DNAJC10: variants seen among roughly 807,000 people sequenced by gnomAD.
DNAJC10 encodes endoplasmic reticulum disulfide reductase DNAJC10.
Under a neutral mutation model 115.0 loss-of-function variants are expected in DNAJC10, and 101 were observed. The ratio of observed to expected loss-of-function variants is 0.88; its 90% CI spans 0.75 to 1.04. The LOEUF (loss-of-function observed/expected upper bound fraction) is 1.04. Among genes scored for constraint, DNAJC10 ranks in the 50% least tolerant of loss-of-function variants. DNAJC10 has a pLI of 0.00. For synonymous variants in DNAJC10, 307 were observed against 301.5 expected, an observed-to-expected ratio of 1.02 and a Z score of -0.19; for missense variants, 981 against 928.8, an observed-to-expected ratio of 1.06 and a Z score of -0.73.
chr2:182,757,404 T>G (rs1253773598), intron 18 of DNAJC10, among the ~76,000 whole-genome samples: 1 of 152,220 alleles, frequency 6.6e-6, no homozygotes, highest in Non-Finnish European at 1.5e-5. Flanking sequence ...CTTTCATTAG[T>G]TTCTAGCACT....
At chr2:182,722,833 G>A (rs574589975) in intron 5 of DNAJC10, among the ~76,000 whole-genome samples, 2 of 152,054 alleles carry the variant, frequency 1.3e-5, no homozygotes, top group African/African-American at 4.8e-5. Flanking sequence ...CCAGCTACTT[G>A]GGAGGCTGAC....
chr2:182,733,761 A>G (rs1319382119), intron 10 of DNAJC10, among the ~76,000 whole-genome samples: 6 of 143,310 alleles, frequency 4.2e-5, no homozygotes, highest in Non-Finnish European at 7.6e-5. Flanking sequence ...CCATATTTAT[A>G]GACTTTTCTC....
At chr2:182,744,724 C>CA (rs1693818979) in intron 14 of DNAJC10, among the ~76,000 whole-genome samples, 1 of 152,028 alleles carries the variant, frequency 6.6e-6, no homozygotes, top group Admixed American at 6.6e-5. Context: ...AATGGAGACT[C>CA]AGAAAGGTTA....
At chr2:182,728,776 T>C in intron 6 of DNAJC10, 87 bp from the exon 7 acceptor site, 1 of 1,519,040 alleles carries the variant, frequency 6.6e-7, no homozygotes, top group Non-Finnish European at 9.0e-7. Context: ...ACTTTAAATG[T>C]CTGGTTTAAA....
rs1191776112 is a variant in DNAJC10 at position 182,775,400 on chromosome 2, A to C, written c.2350A>C (p.Asn784His). ...LISEKLETLR[N>H]QGKRNKDEL The stretch of plus-strand genomic sequence containing the variant: ...AAGTGAAAAATTGGAAACTCTCCGA[A>C]ATCAAGGCAAGAGGAATAAGGTATG... The change falls in exon 23 of 24, where the codon AAT (asparagine) becomes CAT (histidine). Residue 784 changes from asparagine to histidine, a missense_variant. Coordinates refer to ENST00000264065, the MANE Select transcript of DNAJC10 (RefSeq NM_018981.4). 1 of 1,612,578 alleles carries C rather than the reference A, an allele frequency of 6.2e-7. No individual in the cohort carries two copies. Among genetic ancestry groups the C allele is most frequent in the East Asian group, 2.2e-5 (1 of 44,696 alleles).
chr2:182,749,793 T>G (rs888299670), intron 14 of DNAJC10, among the ~76,000 whole-genome samples: 2 of 152,238 alleles, frequency 1.3e-5, no homozygotes, highest in African/African-American at 2.4e-5. Flanking sequence ...AAACATGTAT[T>G]AATTCACAGT....
At chr2:182,725,922 A>G (rs1405787423) in intron 5 of DNAJC10, among the ~76,000 whole-genome samples, 2 of 152,142 alleles carry the variant, frequency 1.3e-5, no homozygotes, top group African/African-American at 4.8e-5. Flanking sequence ...GCAGCCCGTA[A>G]ATCAAGGAGT....
chr2:182,747,521 G>C (rs1484776880), intron 14 of DNAJC10, among the ~76,000 whole-genome samples: 2 of 150,748 alleles, frequency 1.3e-5, no homozygotes, highest in Non-Finnish European at 1.5e-5. Flanking sequence ...CTCATGATTT[G>C]GCTCTGTTTG....
intron 14 of DNAJC10, among the ~76,000 whole-genome samples, chr2:182,749,414 CCTT>C (rs1225647255): frequency 6.8e-6 from 1 of 147,826 alleles, no homozygotes; most frequent in Non-Finnish European, 1.5e-5. Flanking sequence ...TAGGTAATGG[CCTT>C]CTTTGTCTCT....
At chr2:182,768,872 A>G (rs899156233) in intron 22 of DNAJC10, among the ~76,000 whole-genome samples, 13 of 152,284 alleles carry the variant, frequency 8.5e-5, no homozygotes, top group Non-Finnish European at 1.8e-4. Context: ...CATGCGCACA[A>G]TGTGCAGGTT....
At chr2:182,763,512 T>C (rs1694337670) in intron 22 of DNAJC10, among the ~76,000 whole-genome samples, 1 of 152,070 alleles carries the variant, frequency 6.6e-6, no homozygotes, top group Non-Finnish European at 1.5e-5. Flanking sequence ...ACTAGATGGC[T>C]TGAGGTCCAG....
chr2:182,775,390 A>T lies in DNAJC10; in HGVS notation c.2340A>T (p.Glu780Asp). The change falls in exon 23 of 24, where the codon GAA (glutamate) becomes GAT (aspartate). Residue 780 changes from glutamate (E) to aspartate (D), a missense_variant. Glu to Asp is a conservative substitution (Grantham distance 45). Transcript: ENST00000264065. ...AIAALISEKL[E>D]TLRNQGKRNK... ...CTGCCTTAATAAGTGAAAAATTGGA[A>T]ACTCTCCGAAATCAAGGCAAGAGGA... 1.9e-6 allele frequency: 3 copies of T among 1,612,964 alleles called. No individual in the cohort carries two copies. The highest frequency in any genetic ancestry group is 2.5e-6 in the Non-Finnish European group (3 of 1,179,304).
intron 22 of DNAJC10, among the ~76,000 whole-genome samples, chr2:182,775,006 A>T (rs1694667438): frequency 6.6e-6 from 1 of 151,202 alleles, no homozygotes; most frequent in African/African-American, 2.4e-5. Context: ...GCCCTCTCAA[A>T]CTTTATCCAG....
Position 182,784,539 on chromosome 2 carries a change from T to C in DNAJC10, c.*7407T>C, listed in dbSNP as rs288312. On this transcript the variant is annotated 3_prime_UTR_variant, in exon 24 of 24. Transcript: ENST00000264065. ...ACAAACAGCCAGAAGTATTATACTG[T>C]TGACTGTGTTTAAAACTAATTTGCC... 98,227 of 151,980 alleles carry C rather than the reference T, an allele frequency of 0.65. 32,125 individuals are homozygous for C. Among genetic ancestry groups the C allele is most frequent in the Middle Eastern group, 0.73 (215 of 294 alleles). The allele number at this position is 151,980 out of a possible 1,614,324, so 9.4% of individuals were successfully genotyped here.
At chr2:182,734,103 T>C (rs1336957638) in intron 10 of DNAJC10, among the ~76,000 whole-genome samples, 2 of 148,130 alleles carry the variant, frequency 1.4e-5, no homozygotes, top group East Asian at 3.9e-4. Context: ...TTTTTTTTAC[T>C]GCCAGTTTCT....
Position 182,759,254 on chromosome 2 carries a change from C to T in DNAJC10, c.2092C>T (p.Pro698Ser), listed in dbSNP as rs752369431. ...TCATTGGGTGATTGATTTCTATGCT[C>T]CTTGGTGTGGACCTTGCCAGAATTT... ...KNHWVIDFYA[P>S]WCGPCQNFAP... The change falls in exon 21 of 24, where the codon CCT (proline) becomes TCT (serine). Residue 698 changes from proline (P) to serine (S), a missense_variant. Transcript: ENST00000264065. 6 of 1,612,048 alleles carry T rather than the reference C, an allele frequency of 3.7e-6. No individual in the cohort carries two copies. In the South Asian group the frequency reaches 6.6e-5, roughly 18 times the overall value.
chr2:182,781,562 A>T lies in DNAJC10; in HGVS notation c.*4430A>T, dbSNP rs934802132. ...ACACTGTCTTCCACAATGGTTGAAC[A>T]AATTTACACTCCCACTAACAGTGTA... On this transcript the variant is annotated 3_prime_UTR_variant, in exon 24 of 24. Coordinates refer to ENST00000264065, the MANE Select transcript of DNAJC10 (RefSeq NM_018981.4). 5 of 152,152 alleles carry T rather than the reference A, an allele frequency of 3.3e-5. No individual in the cohort carries two copies. The highest frequency in any genetic ancestry group is 1.3e-4 in the Admixed American group (2 of 15,280). The allele number at this position is 152,152 out of a possible 1,614,324, so 9.4% of individuals were successfully genotyped here.
intron 5 of DNAJC10, among the ~76,000 whole-genome samples, chr2:182,726,599 T>C (rs1180656061): frequency 6.6e-6 from 1 of 152,144 alleles, no homozygotes; most frequent in African/African-American, 2.4e-5. Flanking sequence ...GCAAACTTCA[T>C]TGTCATCTCA....
intron 10 of DNAJC10, 123 bp downstream of exon 10, chr2:182,732,665 TC>T: frequency 1.1e-6 from 1 of 923,188 alleles, no homozygotes; most frequent in Non-Finnish European, 1.7e-6. Flanking sequence ...AATCTTATTT[TC>T]TGATGACTGT....
Sources: gnomAD v4.1 joint callset for allele counts (sites outside exome capture counted in the v4.1 genomes callset) on GRCh38, gnomAD v4.1.1 for gene constraint, MANE v1.5 for transcripts, NCBI Gene and HGNC (gene_info 2026-07-23, HGNC 2026-07-21) for gene names.